The following GNE variants were observed in gnomAD, a reference collection of about 807,000 sequenced individuals.
GNE encodes glucosamine (UDP-N-acetyl)-2-epimerase/N-acetylmannosamine kinase, also known as bifunctional UDP-N-acetylglucosamine 2-epimerase/N-acetylmannosamine kinase.
GNE carries 41 observed loss-of-function variants against 61.8 expected under a neutral mutation model. The ratio of observed to expected loss-of-function variants is 0.66; its 90% CI spans 0.52 to 0.86. The LOEUF (loss-of-function observed/expected upper bound fraction) is 0.86. GNE is among the 40% of genes least tolerant of loss of function. GNE has a pLI of 0.00. For synonymous variants in GNE, 264 were observed against 326.4 expected, an observed-to-expected ratio of 0.81 and a Z score of 2.06; for missense variants, 608 against 909.1, an observed-to-expected ratio of 0.67 and a Z score of 4.26.
intron 10 of GNE, 72 bp downstream of exon 10, chr9:36,219,766 T>C (rs1828499140): frequency 4.5e-6 from 6 of 1,341,544 alleles, no homozygotes; most frequent in Non-Finnish European, 3.2e-6. Context: ...TGTTCAGCTG[T>C]CTTTGGAATT....
Position 36,218,239 on chromosome 9 carries a change from T to C in GNE, c.1877A>G (p.His626Arg). The C allele has an allele frequency of 6.2e-7, 1 of 1,614,082 alleles. No homozygotes were observed. Among genetic ancestry groups the C allele is most frequent in the Non-Finnish European group, 8.5e-7 (1 of 1,179,982 alleles). ...GCCAAGTTTCGCAGCTTGGATGAGATGGAGCGCACCCACAGCCTCATCTTT... is the reference window on the plus strand; with the variant it reads ...GCCAAGTTTCGCAGCTTGGATGAGACGGAGCGCACCCACAGCCTCATCTTT... ...VPKDEAVGAL[H>R]LIQAAKLGNA... is the part of the protein sequence containing the mutation. Residue 626 changes from histidine to arginine, a missense_variant, in exon 11 of 12, where the codon CAT (histidine) becomes CGT (arginine). Physicochemically the swap from His to Arg is conservative, Grantham distance 29. Transcript: ENST00000642385. The surrounding 1 kb of genome is among the most constrained non-coding windows in gnomAD (Gnocchi z 4.1).
chr9:36,245,066 T>C (rs1829813228), intron 3 of GNE, among the ~76,000 whole-genome samples: 1 of 151,586 alleles, frequency 6.6e-6, no homozygotes, highest in African/African-American at 2.4e-5. Flanking sequence ...TCACCTGAGG[T>C]CAGGAGTTCG....
chr9:36,237,657 ATTAAGT>A (rs1269018169), intron 3 of GNE, among the ~76,000 whole-genome samples: 2 of 151,106 alleles, frequency 1.3e-5, no homozygotes, highest in Middle Eastern at 3.2e-3. Context: ...TTTTTTTTTA[ATTAAGT>A]TTATTTATTT....
chr9:36,232,278 A>C (rs971176335), intron 5 of GNE, among the ~76,000 whole-genome samples: 1 of 151,932 alleles, frequency 6.6e-6, no homozygotes, highest in African/African-American at 2.4e-5. Flanking sequence ...ATCATCTCTC[A>C]TCTGAGCAAC....
At chr9:36,264,799 C>T (rs905629212) in intron 1 of GNE, among the ~76,000 whole-genome samples, 1 of 152,208 alleles carries the variant, frequency 6.6e-6, no homozygotes, top group African/African-American at 2.4e-5. Context: ...AGGTAAAGAA[C>T]TAACCAATCA....
At chr9:36,236,447 G>A (rs1363655258) in intron 4 of GNE, among the ~76,000 whole-genome samples, 2 of 152,130 alleles carry the variant, frequency 1.3e-5, no homozygotes, top group Non-Finnish European at 2.9e-5. Flanking sequence ...TGTTCTGCCT[G>A]CCTCGGCCTC....
chr9:36,228,810 A>AG (rs1257944410), intron 6 of GNE, among the ~76,000 whole-genome samples: 3 of 151,706 alleles, frequency 2.0e-5, no homozygotes, highest in Admixed American at 6.6e-5. Flanking sequence ...AAAAAAAAAA[A>AG]AAAGAAATAA....
chr9:36,224,914 C>A (rs147564937), intron 7 of GNE, among the ~76,000 whole-genome samples: 1,678 of 152,244 alleles, frequency 0.011, 21 homozygotes, highest in South Asian at 0.017. Flanking sequence ...TGTTTTAATA[C>A]CAAACAGGGA....
At chr9:36,226,771 T>C (rs1828884843) in intron 7 of GNE, among the ~76,000 whole-genome samples, 1 of 152,208 alleles carries the variant, frequency 6.6e-6, no homozygotes, top group African/African-American at 2.4e-5. Context: ...CACTGGGTGA[T>C]GGTTTGGTTA....
chr9:36,224,933 C>G (rs1013374059), intron 7 of GNE, among the ~76,000 whole-genome samples: 1 of 152,054 alleles, frequency 6.6e-6, no homozygotes, highest in African/African-American at 2.4e-5. Flanking sequence ...GATAGTCCCT[C>G]CTGATTACTT....
chr9:36,243,933 T>TG (rs1159940829), intron 3 of GNE, among the ~76,000 whole-genome samples: 1 of 146,650 alleles, frequency 6.8e-6, no homozygotes, highest in Non-Finnish European at 1.5e-5. Flanking sequence ...TTTCTTTCTG[T>TG]GTTTTTTTTT....
intron 1 of GNE, among the ~76,000 whole-genome samples, chr9:36,256,027 C>A (rs10814361): frequency 0.62 from 93,798 of 151,604 alleles, 30,556 homozygotes; most frequent in Non-Finnish European, 0.74. Flanking sequence ...CAGGTTGAAG[C>A]GATTCTCCTG....
chr9:36,226,945 A>C (rs1828894130), intron 7 of GNE, among the ~76,000 whole-genome samples: 1 of 152,176 alleles, frequency 6.6e-6, no homozygotes. Flanking sequence ...CCACACTCCA[A>C]GCTGTTACCA....
chr9:36,256,507 A>C (rs1328032490), intron 1 of GNE, among the ~76,000 whole-genome samples: 3 of 152,094 alleles, frequency 2.0e-5, no homozygotes, highest in African/African-American at 7.2e-5. Context: ...GGCCTCCCAA[A>C]GTGCTGGGAT....
Position 36,216,251 on chromosome 9 carries a change from C to T in GNE, c.*1114G>A, listed in dbSNP as rs534015800. 3.9e-4 allele frequency: 178 copies of T among 455,452 alleles called. 2 individuals carry two copies. Among genetic ancestry groups the T allele is most frequent in the South Asian group, 2.7e-3 (172 of 64,540 alleles). 28.2% of individuals were successfully genotyped at this position (455,452 alleles called of 1,614,324 possible). A position where few individuals can be genotyped will look rare whatever the true frequency, so the allele number is the denominator to read the frequency against. On this transcript the variant is annotated 3_prime_UTR_variant, in exon 12 of 12. Transcript: ENST00000642385. The stretch of plus-strand genomic sequence containing the variant: ...TTTTAAAAAAAAGTGTACTTAAGCC[C>T]TTCCTGGTAAGATTTCCCTCTGTTC...
At chr9:36,252,491 C>T (rs1204191161) in intron 1 of GNE, among the ~76,000 whole-genome samples, 1 of 152,050 alleles carries the variant, frequency 6.6e-6, no homozygotes, top group African/African-American at 2.4e-5. Flanking sequence ...TCTGGCAGTA[C>T]TAAAATGCTT....
At chr9:36,257,200 C>T (rs1455609561) in intron 1 of GNE, among the ~76,000 whole-genome samples, 1 of 152,206 alleles carries the variant, frequency 6.6e-6, no homozygotes, top group Non-Finnish European at 1.5e-5. Context: ...CACTGTCCCA[C>T]ACCCAGTGTT....
intron 1 of GNE, among the ~76,000 whole-genome samples, chr9:36,274,113 T>TGA (rs1244467603): frequency 1.5e-5 from 2 of 133,502 alleles, no homozygotes; most frequent in African/African-American, 2.8e-5. Context: ...TGTGTGTGTG[T>TGA]GTGACAGGGT....
chr9:36,266,702 G>A (rs941948885), intron 1 of GNE, among the ~76,000 whole-genome samples: 2 of 152,212 alleles, frequency 1.3e-5, no homozygotes, highest in Non-Finnish European at 2.9e-5. Context: ...AAGGTCAGGA[G>A]ATCGAGACCA....
Sources: gnomAD v4.1 joint callset for allele counts (sites outside exome capture counted in the v4.1 genomes callset) on GRCh38, gnomAD v4.1.1 for gene constraint, Gnocchi (gnomAD v3.1) non-coding constraint, MANE v1.5 for transcripts, NCBI Gene and HGNC (gene_info 2026-07-23, HGNC 2026-07-21) for gene names.